Variants in ASB5 observed in about 807,000 individuals in gnomAD.
The protein encoded by ASB5 is ankyrin repeat and SOCS box containing 5.
Under a neutral mutation model 42.1 loss-of-function variants are expected in ASB5, and 45 were observed. The observed-to-expected ratio is 1.07, with a 90% CI of 0.84 to 1.37. The LOEUF is 1.37. ASB5 is among the 40% of genes most tolerant of loss of function. The pLI is 0.00. For missense variants in ASB5, 402 were observed against 399.8 expected (o/e 1.01, Z -0.05); for synonymous variants, 147 against 150.6 (o/e 0.98, Z 0.18).
intron 1 of ASB5, among the ~76,000 whole-genome samples, chr4:176,259,758 A>G (rs1754222744): frequency 6.6e-6 from 1 of 152,224 alleles, no homozygotes; most frequent in Non-Finnish European, 1.5e-5. Flanking sequence ...CAGTGCTTCT[A>G]TTTAAAAACA....
At chr4:176,238,664 C>T (rs1293503360) in intron 1 of ASB5, among the ~76,000 whole-genome samples, 2 of 151,806 alleles carry the variant, frequency 1.3e-5, no homozygotes, top group African/African-American at 2.4e-5. Flanking sequence ...TTTTTTTCAT[C>T]AGTATTTTTA....
Position 176,221,592 on chromosome 4 carries a change from T to G in ASB5, c.393A>C (p.Ala131=), listed in dbSNP as rs1449679729. Reference sequence around the variant, plus strand: ...ACGGAGTCACGCCATCTATCGTGATTGCATTTACCTAAACCAAACCAAAAT... The same window carrying G: ...ACGGAGTCACGCCATCTATCGTGATGGCATTTACCTAAACCAAACCAAAAT... ...TLLEAGANVN[A]ITIDGVTPLF... The change falls in exon 4 of 7, where the codon GCA becomes GCC. Residue 131 remains alanine, a synonymous_variant. Transcript: ENST00000296525. 6.2e-7 allele frequency: 1 copy of G among 1,611,170 alleles called. No individual in the cohort carries two copies. Among genetic ancestry groups the G allele is most frequent in the Non-Finnish European group, 8.5e-7 (1 of 1,178,346 alleles).
At chr4:176,223,739 G>A (rs918321648) in intron 2 of ASB5, among the ~76,000 whole-genome samples, 11 of 152,170 alleles carry the variant, frequency 7.2e-5, no homozygotes, top group African/African-American at 2.7e-4. Context: ...AGAGGGACCA[G>A]ATGTCAGAAG....
intron 6 of ASB5, among the ~76,000 whole-genome samples, chr4:176,216,363 T>C (rs896879167): frequency 6.6e-6 from 1 of 151,634 alleles, no homozygotes; most frequent in African/African-American, 2.4e-5. Context: ...ATTTTTTTTC[T>C]TTTTTTTAGA....
rs192200640 is a variant in ASB5, at chr4:176,243,114, T to G, written c.197-17773A>C. On this transcript the variant is annotated intron_variant, in intron 1 of 6. Transcript: ENST00000296525. Reference sequence around the variant, plus strand: ...CCAGGAGACTAAAATATTTACTCTTTAATCTTTTACAGGAAAAGTGTGCCA... The same window carrying G: ...CCAGGAGACTAAAATATTTACTCTTGAATCTTTTACAGGAAAAGTGTGCCA... Among the ~76,000 whole-genome samples, 184 of 152,340 alleles carry G rather than the reference T, an allele frequency of 1.2e-3. 3 individuals carry two copies. The highest frequency in any genetic ancestry group is 1.6e-4 in the Non-Finnish European group (11 of 68,022).
intron 1 of ASB5, among the ~76,000 whole-genome samples, chr4:176,266,285 A>T (rs989816429): frequency 5.9e-5 from 9 of 152,204 alleles, no homozygotes; most frequent in African/African-American, 2.2e-4. Flanking sequence ...CTCTTATTTC[A>T]TGGAATTTGG....
intron 1 of ASB5, among the ~76,000 whole-genome samples, chr4:176,242,457 C>G (rs1321168832): frequency 2.0e-5 from 3 of 152,244 alleles, no homozygotes; most frequent in Non-Finnish European, 2.9e-5. Flanking sequence ...TTTAAGTTCT[C>G]TCTTCTAAAC....
chr4:176,216,207 T>C (rs1026927610), intron 6 of ASB5, among the ~76,000 whole-genome samples: 1 of 152,138 alleles, frequency 6.6e-6, no homozygotes, highest in African/African-American at 2.4e-5. Flanking sequence ...AAGGTTCATG[T>C]CCTTATAAAA....
At chr4:176,221,743 T>C in intron 3 of ASB5, 143 bp from the exon 4 acceptor site, 1 of 747,628 alleles carries the variant, frequency 1.3e-6, no homozygotes, top group African/African-American at 1.8e-5. Flanking sequence ...TATACTTTGC[T>C]CTTATGCATT....
Position 176,255,640 on chromosome 4 carries a change from T to C in ASB5, c.196+13273A>G, listed in dbSNP as rs546623757. On this transcript the variant is annotated intron_variant, in intron 1 of 6. Transcript: ENST00000296525. ...ACTAAATGCTGCGTGTTGTCACTTATAAGTGGGAGCTAAACAATGTGTACT... is the reference window on the plus strand; with the variant it reads ...ACTAAATGCTGCGTGTTGTCACTTACAAGTGGGAGCTAAACAATGTGTACT... Among the ~76,000 whole-genome samples, 50 of 152,316 alleles carry C rather than the reference T, an allele frequency of 3.3e-4. No homozygotes were observed. The South Asian group carries it at 5.4e-3, about 16-fold the overall frequency.
rs116575500 is a variant in ASB5 at position 176,257,888 on chromosome 4, C to A, written c.196+11025G>T. Among the ~76,000 whole-genome samples, 429 of 152,298 alleles carry A rather than the reference C, an allele frequency of 2.8e-3. 1 individual carries two copies. Among genetic ancestry groups the A allele is most frequent in the African/African-American group, 9.8e-3 (406 of 41,572 alleles). ...TCTTTAGAGCTTCAGTGAATTGTTACATTGGCAGATAAATCAAGCTGACCT... is the reference window on the plus strand; with the variant it reads ...TCTTTAGAGCTTCAGTGAATTGTTAAATTGGCAGATAAATCAAGCTGACCT... On this transcript the variant is annotated intron_variant, in intron 1 of 6. Transcript: ENST00000296525.
intron 1 of ASB5, among the ~76,000 whole-genome samples, chr4:176,260,900 C>A (rs1754256412): frequency 6.6e-6 from 1 of 152,166 alleles, no homozygotes; most frequent in South Asian, 2.1e-4. Context: ...TGGTCTCAAT[C>A]TCCTGACCTC....
intron 1 of ASB5, among the ~76,000 whole-genome samples, chr4:176,246,461 G>C (rs1753914253): frequency 6.6e-6 from 1 of 152,196 alleles, no homozygotes; most frequent in Non-Finnish European, 1.5e-5. Context: ...CACAGCACTA[G>C]CCATGACCAC....
At chr4:176,266,236 T>C (rs544590126) in intron 1 of ASB5, among the ~76,000 whole-genome samples, 4 of 152,300 alleles carry the variant, frequency 2.6e-5, no homozygotes, top group African/African-American at 9.6e-5. Context: ...CAACAGGGTC[T>C]TCGGTGATTA....
At chr4:176,226,580 A>G (rs758104566) in intron 1 of ASB5, among the ~76,000 whole-genome samples, 1 of 152,072 alleles carries the variant, frequency 6.6e-6, no homozygotes, top group Non-Finnish European at 1.5e-5. Context: ...GTATCTATCT[A>G]TTTATCAGCT....
intron 1 of ASB5, chr4:176,237,186 A>G: frequency 1.3e-6 from 1 of 766,250 alleles, no homozygotes; most frequent in Non-Finnish European, 1.6e-6. Flanking sequence ...TGTGCATTTC[A>G]ATCCGCATTC....
chr4:176,256,552 AT>A (rs1302788763), intron 1 of ASB5, among the ~76,000 whole-genome samples: 1 of 152,226 alleles, frequency 6.6e-6, no homozygotes, highest in Non-Finnish European at 1.5e-5. Flanking sequence ...ATAATTCCAT[AT>A]CTTCATTTCC....
In ASB5 at chr4:176,252,414, A is replaced by G. The variant is rs1455313937; in HGVS notation, c.196+16499T>C. 2.0e-5 allele frequency among the ~76,000 whole-genome samples: 3 copies of G among 152,318 alleles called. No homozygotes were observed. In the East Asian group the frequency reaches 5.8e-4, roughly 29 times the overall value. On this transcript the variant is annotated intron_variant, in intron 1 of 6. Transcript: ENST00000296525. Reference sequence around the variant, plus strand: ...AAAGGGTAACAAATTCCATTCACTTAAGTTTGAGTCCCCTCACTTTCTCCC... The same window carrying G: ...AAAGGGTAACAAATTCCATTCACTTGAGTTTGAGTCCCCTCACTTTCTCCC...
At chr4:176,229,990 GA>G (rs1421253092) in intron 1 of ASB5, among the ~76,000 whole-genome samples, 1 of 152,134 alleles carries the variant, frequency 6.6e-6, no homozygotes, top group African/African-American at 2.4e-5. Context: ...TCGGGTGTAG[GA>G]AAAAAGCTGA....
Sources: allele counts gnomAD v4.1 joint callset (sites outside exome capture counted in the v4.1 genomes callset), GRCh38; gene constraint gnomAD v4.1.1; transcripts MANE v1.5; gene names NCBI Gene and HGNC (gene_info 2026-07-23, HGNC 2026-07-21).